TPRG1: variants seen among roughly 807,000 people sequenced by gnomAD.
TPRG1 encodes the protein tumor protein p63 regulated 1, also known as tumor protein p63-regulated gene 1 protein.
Under a neutral mutation model 29.3 loss-of-function variants are expected in TPRG1, and 29 were observed. That is an observed-to-expected ratio of 0.99 (90% CI 0.74 to 1.35). The LOEUF is 1.35. Ranked by LOEUF, TPRG1 falls within the 40% of genes most tolerant of loss-of-function variation. TPRG1 has a pLI of 0.00. For missense variants in TPRG1, 327 were observed against 335.0 expected, an observed-to-expected ratio of 0.98 and a Z score of 0.19; for synonymous variants, 130 against 116.8, an observed-to-expected ratio of 1.11 and a Z score of -0.73.
rs1724454660 is a variant in TPRG1 at position 189,323,096 on chromosome 3, C to G, written c.*2276C>G. ...AGAACTTCTTATAGTTATAAATTTT[C>G]AATGATGGAATGGGTTGCTTCTTTA... is the stretch of plus-strand genomic sequence containing the variant. On this transcript the variant is annotated 3_prime_UTR_variant, in exon 6 of 6. Coordinates refer to ENST00000345063, the MANE Select transcript of TPRG1 (RefSeq NM_198485.4). 1 of 152,040 alleles carries G rather than the reference C, an allele frequency of 6.6e-6. No homozygotes were observed. Among genetic ancestry groups the G allele is most frequent in the Non-Finnish European group, 1.5e-5 (1 of 67,990 alleles). 9.4% of individuals were successfully genotyped at this position (152,040 alleles called of 1,614,324 possible). A position where few individuals can be genotyped will look rare whatever the true frequency, so the allele number is the denominator to read the frequency against.
chr3:189,222,790 C>T (rs1294918060), intron 3 of TPRG1, among the ~76,000 whole-genome samples: 1 of 152,168 alleles, frequency 6.6e-6, no homozygotes, highest in African/African-American at 2.4e-5. Flanking sequence ...CCATTATGAG[C>T]CTTTACAAAT....
At chr3:189,048,102 G>C (rs1168594089) in intron 4 of TPRG1, among the ~76,000 whole-genome samples, 1 of 152,232 alleles carries the variant, frequency 6.6e-6, no homozygotes, top group Non-Finnish European at 1.5e-5. Context: ...ACTGTTTATG[G>C]CATCTATAGC....
At chr3:189,185,140 T>C (rs1338249619) in intron 1 of TPRG1, among the ~76,000 whole-genome samples, 1 of 152,174 alleles carries the variant, frequency 6.6e-6, no homozygotes, top group Admixed American at 6.5e-5. Flanking sequence ...CTAAGAACCT[T>C]GTGTCACTAT....
At position 189,322,076 on chromosome 3, in the gene TPRG1, C is replaced by A. The variant is rs1436590887; in HGVS notation, c.*1256C>A. On this transcript the variant is annotated 3_prime_UTR_variant, in exon 6 of 6. Coordinates refer to ENST00000345063, the MANE Select transcript of TPRG1 (RefSeq NM_198485.4). ...TTTTTCTTTCAGAGTCTTATTTTAT[C>A]TAAATTTATGTAGAAAAAAAAGCTT... 6.6e-6 allele frequency: 1 copy of A among 151,736 alleles called. No individual in the cohort carries two copies. The highest frequency in any genetic ancestry group is 1.5e-5 in the Non-Finnish European group (1 of 67,928). The allele number at this position is 151,736 out of a possible 1,614,324, so 9.4% of individuals were successfully genotyped here.
chr3:189,191,173 T>A (rs931447550), intron 1 of TPRG1, among the ~76,000 whole-genome samples: 3 of 152,248 alleles, frequency 2.0e-5, no homozygotes, highest in Admixed American at 6.5e-5. Flanking sequence ...TTTATTGTTT[T>A]GTTTTCTTAT....
At chr3:189,133,218 T>C (rs769880154) in intron 3 of TPRG1, among the ~76,000 whole-genome samples, 1 of 152,046 alleles carries the variant, frequency 6.6e-6, no homozygotes, top group Admixed American at 6.5e-5. Flanking sequence ...TGGAAAGAGT[T>C]TGAATGCCAG....
chr3:189,120,699 A>G (rs549278970), intron 1 of TPRG1, among the ~76,000 whole-genome samples: 2 of 152,356 alleles, frequency 1.3e-5, no homozygotes, highest in South Asian at 4.1e-4. Context: ...AAGATGACTG[A>G]GGGTTGGTTG....
upstream of TPRG1, among the ~76,000 whole-genome samples, chr3:189,171,501 A>G (rs1428921672): frequency 6.6e-6 from 1 of 152,248 alleles, no homozygotes; most frequent in East Asian, 1.9e-4. Flanking sequence ...CATAGAGACA[A>G]TATCATGTGG....
At chr3:189,301,937 C>T (rs1472640597) in intron 4 of TPRG1, among the ~76,000 whole-genome samples, 1 of 152,204 alleles carries the variant, frequency 6.6e-6, no homozygotes, top group Non-Finnish European at 1.5e-5. Flanking sequence ...CCTGCAACCT[C>T]TACCAATTTC....
intron 4 of TPRG1, among the ~76,000 whole-genome samples, chr3:189,149,207 G>A (rs566537815): frequency 6.6e-6 from 1 of 152,280 alleles, no homozygotes; most frequent in African/African-American, 2.4e-5. Context: ...TAACGGACAC[G>A]TGTAGGGAGG....
intron 1 of TPRG1, among the ~76,000 whole-genome samples, chr3:189,123,405 G>T (rs1435777635): frequency 1.3e-5 from 2 of 152,196 alleles, no homozygotes; most frequent in Admixed American, 1.3e-4. Context: ...CTTGTGAAAT[G>T]TAGAAAAGTT....
In TPRG1 at chr3:189,085,394, G is replaced by A. The variant is rs569221447; in HGVS notation, c.-462-41663G>A. On this transcript the variant is annotated intron_variant, in intron 4 of 10. Transcript: ENST00000433971. ...AAACAAAAGGGAAAGATGGCTGGCG[G>A]TGGATACACATTTTCATTAATGTTT... is the stretch of plus-strand genomic sequence containing the variant. 3.3e-5 allele frequency among the ~76,000 whole-genome samples: 5 copies of A among 152,134 alleles called. No homozygotes were observed. In the South Asian group the frequency reaches 1.0e-3, roughly 32 times the overall value.
chr3:189,112,672 G>A (rs1253505859), intron 1 of TPRG1, among the ~76,000 whole-genome samples: 1 of 152,146 alleles, frequency 6.6e-6, no homozygotes, highest in African/African-American at 2.4e-5. Flanking sequence ...GTTTGTCAAA[G>A]ATCAGATAGT....
intron 1 of TPRG1, among the ~76,000 whole-genome samples, chr3:189,109,176 G>A (rs1720191596): frequency 6.6e-6 from 1 of 152,108 alleles, no homozygotes; most frequent in African/African-American, 2.4e-5. Flanking sequence ...AGAAGAGGAG[G>A]AAGGGATGAA....
chr3:189,155,588 A>G (rs1308750785), intron 5 of TPRG1, among the ~76,000 whole-genome samples: 1 of 152,192 alleles, frequency 6.6e-6, no homozygotes, highest in Non-Finnish European at 1.5e-5. Context: ...AGGGTCAAGG[A>G]TATGGATACA....
rs181843500 is a variant in TPRG1 at position 189,207,310 on chromosome 3, G to A, written c.-9-66G>A. 6.1e-4 allele frequency: 955 copies of A among 1,565,616 alleles called. 6 individuals are homozygous for A. The Middle Eastern group carries it at 0.011, about 18-fold the overall frequency. ...CCGTTTGCTCATCATATTCTGTTTTGCCATAGCTAGGACACAGGTACAGAG... is the reference window on the plus strand; with the variant it reads ...CCGTTTGCTCATCATATTCTGTTTTACCATAGCTAGGACACAGGTACAGAG... On this transcript the variant is annotated intron_variant, in intron 1 of 5. Transcript: ENST00000345063.
intron 3 of TPRG1, among the ~76,000 whole-genome samples, chr3:189,221,278 T>G (rs1375939): frequency 0.57 from 87,006 of 152,050 alleles, 26,227 homozygotes; most frequent in African/African-American, 0.77. Context: ...AAACATTACC[T>G]TCAGTTTATA....
At chr3:189,071,046 A>C (rs1716782408) in intron 4 of TPRG1, among the ~76,000 whole-genome samples, 1 of 151,484 alleles carries the variant, frequency 6.6e-6, no homozygotes, top group Non-Finnish European at 1.5e-5. Flanking sequence ...GGAAGCAAAG[A>C]AACTAAAAGC....
At position 189,224,931 on chromosome 3, in the gene TPRG1, C is replaced by CT. The variant is rs139957231; in HGVS notation, c.302+9566dup. Among the ~76,000 whole-genome samples the CT allele has an allele frequency of 6.9e-3, 880 of 126,948 alleles. 4 individuals carry two copies. Among genetic ancestry groups the CT allele is most frequent in the African/African-American group, 0.01 (353 of 34,982 alleles). 83.3% of individuals were successfully genotyped at this position (126,948 alleles called of 152,430 possible). A position where few individuals can be genotyped will look rare whatever the true frequency, so the allele number is the denominator to read the frequency against. ...CACCTATAGGTGTCTCTTCCTTTTT[C>CT]TTTTTTTTTTTTTTTTTTGAGACGG... On this transcript the variant is annotated intron_variant, in intron 3 of 5. Transcript: ENST00000345063.
Sources: gnomAD v4.1 joint callset for allele counts (sites outside exome capture counted in the v4.1 genomes callset) on GRCh38, gnomAD v4.1.1 for gene constraint, MANE v1.5 for transcripts, NCBI Gene and HGNC (gene_info 2026-07-23, HGNC 2026-07-21) for gene names.